Variants in KCNMB2 observed in about 807,000 individuals in gnomAD.
The protein encoded by KCNMB2 is potassium calcium-activated channel subfamily M regulatory beta subunit 2.
Under a neutral mutation model 24.5 loss-of-function variants are expected in KCNMB2, and 9 were observed. The observed-to-expected ratio is 0.37, with a 90% CI of 0.22 to 0.64. The LOEUF (loss-of-function observed/expected upper bound fraction) is 0.64, where lower values mean the gene tolerates loss of function less well. Ranked by LOEUF, KCNMB2 falls within the 30% of genes least tolerant of loss-of-function variation. The probability of loss-of-function intolerance (pLI) is 0.63; values close to 1 mark genes in which losing one functional copy is unlikely to be tolerated. For synonymous variants in KCNMB2, 109 were observed against 104.4 expected, an observed-to-expected ratio of 1.04 and a Z score of -0.27; for missense variants, 226 against 284.3, an observed-to-expected ratio of 0.79 and a Z score of 1.47.
chr3:178,640,292 G>A (rs1055994039), intron 1 of KCNMB2, among the ~76,000 whole-genome samples: 20 of 152,156 alleles, frequency 1.3e-4, no homozygotes, highest in Non-Finnish European at 2.8e-4. Context: ...CAGGAAGCAT[G>A]GCTGGGAGGC....
chr3:178,627,900 G>A (rs1257516062), intron 1 of KCNMB2, among the ~76,000 whole-genome samples: 1 of 152,082 alleles, frequency 6.6e-6, no homozygotes, highest in East Asian at 1.9e-4. Flanking sequence ...TTTGATGGAA[G>A]GAAAAAGTGA....
At chr3:178,558,775 T>C (rs563199045) in intron 1 of KCNMB2, 2 of 152,356 alleles carry the variant, frequency 1.3e-5, no homozygotes, top group Admixed American at 1.3e-4. Context: ...CATGGTTGAC[T>C]GCTCTCTTCT....
intron 1 of KCNMB2, among the ~76,000 whole-genome samples, chr3:178,616,263 C>T (rs1015463708): frequency 6.6e-6 from 1 of 152,196 alleles, no homozygotes; most frequent in South Asian, 2.1e-4. Flanking sequence ...GCAGTCCTTA[C>T]GTCCTAGACT....
intron 1 of KCNMB2, among the ~76,000 whole-genome samples, chr3:178,620,479 G>A (rs955133276): frequency 3.3e-5 from 5 of 152,186 alleles, no homozygotes; most frequent in African/African-American, 1.2e-4. Context: ...AGAAGTCCAA[G>A]ACCAAGGTGC....
At chr3:178,705,794 A>T (rs1722259194) in intron 1 of KCNMB2, among the ~76,000 whole-genome samples, 1 of 152,228 alleles carries the variant, frequency 6.6e-6, no homozygotes, top group African/African-American at 2.4e-5. Flanking sequence ...TTAAAAGGAA[A>T]TACCAAAATT....
chr3:178,811,504 C>T (rs537894834), intron 2 of KCNMB2, among the ~76,000 whole-genome samples: 1 of 152,206 alleles, frequency 6.6e-6, no homozygotes, highest in African/African-American at 2.4e-5. Context: ...TTTCACCAAA[C>T]ATTATGTTGT....
intron 1 of KCNMB2, among the ~76,000 whole-genome samples, chr3:178,601,764 G>A (rs1263884131): frequency 6.6e-6 from 1 of 152,138 alleles, no homozygotes; most frequent in Non-Finnish European, 1.5e-5. Flanking sequence ...GATTACCTAA[G>A]ATTTCCATGT....
intron 1 of KCNMB2, among the ~76,000 whole-genome samples, chr3:178,662,479 G>A (rs907018272): frequency 1.3e-5 from 2 of 152,120 alleles, no homozygotes; most frequent in African/African-American, 4.8e-5. Flanking sequence ...CAAGGATGAA[G>A]ACTATATACA....
At chr3:178,681,380 C>T (rs565198489) in intron 1 of KCNMB2, among the ~76,000 whole-genome samples, 77 of 152,252 alleles carry the variant, frequency 5.1e-4, no homozygotes, top group African/African-American at 1.8e-3. Context: ...GAGTTAGAAG[C>T]CTGACAACAT....
chr3:178,680,361 C>T (rs1721227349), intron 1 of KCNMB2, among the ~76,000 whole-genome samples: 1 of 152,214 alleles, frequency 6.6e-6, no homozygotes, highest in South Asian at 2.1e-4. Context: ...TCCAGCTACA[C>T]TTACAGCTTC....
chr3:178,714,847 G>C (rs572062055), intron 1 of KCNMB2, among the ~76,000 whole-genome samples: 1 of 152,262 alleles, frequency 6.6e-6, no homozygotes, highest in Non-Finnish European at 1.5e-5. Context: ...GATTGAACAT[G>C]GAAATCACGG....
chr3:178,686,826 T>C (rs1296638968), intron 1 of KCNMB2, among the ~76,000 whole-genome samples: 1 of 152,098 alleles, frequency 6.6e-6, no homozygotes, highest in Non-Finnish European at 1.5e-5. Flanking sequence ...GAGTGGTATC[T>C]GGACAAACTG....
In KCNMB2 at chr3:178,842,790, A is replaced by G. The variant is rs773855784; in HGVS notation, c.561A>G (p.Leu187=). ...DPEGNQKSVI[L]TKLYSSNVLF... The stretch of plus-strand genomic sequence containing the variant: ...AAGGAAACCAGAAGAGTGTTATCCT[A>G]ACAAAACTCTACAGTTCCAACGTGC... The change falls in exon 5 of 5, where the codon CTA becomes CTG. Residue 187 remains leucine, a synonymous_variant. Coordinates refer to ENST00000452583, the MANE Select transcript of KCNMB2 (RefSeq NM_181361.3). The G allele has an allele frequency of 1.9e-6, 3 of 1,613,834 alleles. No individual in the cohort carries two copies. In the African/African-American group the frequency reaches 4.0e-5, roughly 22 times the overall value.
intron 1 of KCNMB2, among the ~76,000 whole-genome samples, chr3:178,637,727 C>T (rs1719579533): frequency 1.3e-5 from 2 of 152,130 alleles, no homozygotes. Flanking sequence ...ACTAGGTAGT[C>T]ACAAGCATGG....
At chr3:178,642,040 G>A (rs1719748101) in intron 1 of KCNMB2, among the ~76,000 whole-genome samples, 1 of 151,918 alleles carries the variant, frequency 6.6e-6, no homozygotes, top group Non-Finnish European at 1.5e-5. Flanking sequence ...TTTGCCCCCA[G>A]GTAAAATAAA....
intron 1 of KCNMB2, among the ~76,000 whole-genome samples, chr3:178,586,538 C>CTTTTTTTTTCTTT (rs1717439508): frequency 2.9e-5 from 2 of 68,494 alleles, no homozygotes; most frequent in African/African-American, 1.1e-4. Flanking sequence ...TTTTTTCTTT[C>CTTTTTTTTTCTTT]TTTTTTTTTT....
rs540707825 is a variant in KCNMB2, at chr3:178,778,734, C to T, written c.-67-28609C>T. Among the ~76,000 whole-genome samples the T allele has an allele frequency of 2.6e-5, 4 of 152,312 alleles. No homozygotes were observed. The East Asian group carries it at 7.7e-4, about 29-fold the overall frequency. On this transcript the variant is annotated intron_variant, in intron 1 of 4. Coordinates refer to ENST00000452583, the MANE Select transcript of KCNMB2 (RefSeq NM_181361.3). ...TCAGGACTAGCCAGTTAGGCTCTCC[C>T]TCCCTGTAGCACCAACACCCTCCAA... is the stretch of plus-strand genomic sequence containing the variant.
intron 1 of KCNMB2, among the ~76,000 whole-genome samples, chr3:178,691,213 C>T (rs1035573734): frequency 6.8e-6 from 1 of 146,784 alleles, no homozygotes; most frequent in East Asian, 2.0e-4. Context: ...CTCTCAAAGT[C>T]CTGGGATTAC....
At chr3:178,596,764 T>G (rs1717892182) in intron 1 of KCNMB2, among the ~76,000 whole-genome samples, 1 of 151,926 alleles carries the variant, frequency 6.6e-6, no homozygotes, top group African/African-American at 2.4e-5. Flanking sequence ...ATGAGATATC[T>G]TTACAACAGC....
Sources: gnomAD v4.1 joint callset for allele counts (sites outside exome capture counted in the v4.1 genomes callset) on GRCh38, gnomAD v4.1.1 for gene constraint, MANE v1.5 for transcripts, NCBI Gene and HGNC (gene_info 2026-07-23, HGNC 2026-07-21) for gene names.